Variants in PARP11 observed in about 807,000 individuals in gnomAD.
PARP11 encodes protein mono-ADP-ribosyltransferase PARP11.
Under a neutral mutation model 42.9 loss-of-function variants are expected in PARP11, and 31 were observed. That is an observed-to-expected ratio of 0.72 (90% CI 0.54 to 0.98). The LOEUF is 0.98. PARP11 is among the 50% of genes least tolerant of loss of function. PARP11 has a pLI of 0.00. For missense variants in PARP11, 365 were observed against 413.1 expected (o/e 0.88, Z 1.01); for synonymous variants, 137 against 127.3 (o/e 1.08, Z -0.51).
chr12:3,857,981 A>T (rs1208565664), intron 1 of PARP11, among the ~76,000 whole-genome samples: 1 of 152,228 alleles, frequency 6.6e-6, no homozygotes, highest in Non-Finnish European at 1.5e-5. Flanking sequence ...GTAGTTTAGC[A>T]TGGAGGATGC....
chr12:3,845,096 A>G (rs1947973381), intron 1 of PARP11, among the ~76,000 whole-genome samples: 1 of 152,198 alleles, frequency 6.6e-6, no homozygotes. Flanking sequence ...ACCAAAGCTC[A>G]CCTGTTTTTT....
chr12:3,859,808 T>C lies in PARP11; in HGVS notation c.18+13404A>G, dbSNP rs556409676. Among the ~76,000 whole-genome samples the C allele has an allele frequency of 3.3e-5, 5 of 152,242 alleles. 1 individual carries two copies. The highest frequency in any genetic ancestry group is 1.2e-4 in the African/African-American group (5 of 41,540). ...AAAAAAGCTGGAGTGGCTATACTAA[T>C]GCCAGGCAAAATAGACTTCAAACCA... is the stretch of plus-strand genomic sequence containing the variant. On this transcript the variant is annotated intron_variant, in intron 1 of 7. Transcript: ENST00000228820.
chr12:3,839,314 G>A (rs1182415423), intron 1 of PARP11: 59 of 1,523,480 alleles, frequency 3.9e-5, no homozygotes, highest in Non-Finnish European at 4.6e-5. Context: ...GGAGGCGGCC[G>A]TCGGCGTCCC....
intron 1 of PARP11, among the ~76,000 whole-genome samples, chr12:3,862,192 C>G (rs1244342215): frequency 2.0e-5 from 3 of 152,184 alleles, no homozygotes; most frequent in African/African-American, 7.2e-5. Context: ...CTTTGGGAGG[C>G]TGCACCCAGA....
At chr12:3,843,189 T>A (rs1947929580) in intron 1 of PARP11, among the ~76,000 whole-genome samples, 1 of 152,214 alleles carries the variant, frequency 6.6e-6, no homozygotes. Context: ...TTTTTGAATT[T>A]TGGTATTTGT....
At chr12:3,865,814 A>G (rs1486582498) in intron 1 of PARP11, among the ~76,000 whole-genome samples, 1 of 150,142 alleles carries the variant, frequency 6.7e-6, no homozygotes, top group Non-Finnish European at 1.5e-5. Context: ...CTGTATTTTA[A>G]TTGGGGTGTT....
intron 1 of PARP11, among the ~76,000 whole-genome samples, chr12:3,869,837 T>A (rs536331647): frequency 6.6e-6 from 1 of 152,394 alleles, no homozygotes; most frequent in African/African-American, 2.4e-5. Flanking sequence ...TGGAGCCTAG[T>A]CTGTTCTGTT....
chr12:3,840,702 C>T lies in PARP11; in HGVS notation c.19-10684G>A. Reference sequence around the variant, plus strand: ...AAAGGAAGCAGGCGGAGAATGGATACAGAAGAACGAAAAGACAAAGACTCT... The same window carrying T: ...AAAGGAAGCAGGCGGAGAATGGATATAGAAGAACGAAAAGACAAAGACTCT... On this transcript the variant is annotated intron_variant, in intron 1 of 7. Coordinates refer to ENST00000228820, the MANE Select transcript of PARP11 (RefSeq NM_020367.6). The surrounding 1 kb of genome is among the most constrained non-coding windows in gnomAD (Gnocchi z 4.4). The T allele has an allele frequency of 8.0e-7, 1 of 1,257,752 alleles. No individual in the cohort carries two copies. The highest frequency in any genetic ancestry group is 1.2e-6 in the Non-Finnish European group (1 of 854,828). The allele number at this position is 1,257,752 out of a possible 1,614,324, so 77.9% of individuals were successfully genotyped here.
intron 1 of PARP11, among the ~76,000 whole-genome samples, chr12:3,854,956 T>G (rs1180006448): frequency 6.6e-6 from 1 of 152,238 alleles, no homozygotes; most frequent in Non-Finnish European, 1.5e-5. Context: ...GCTTCATCCC[T>G]GGGATGCAAG....
rs575097590 is a variant in PARP11 at position 3,861,810 on chromosome 12, G to A, written c.18+11402C>T. Among the ~76,000 whole-genome samples the A allele has an allele frequency of 2.0e-5, 3 of 151,706 alleles. No individual in the cohort carries two copies. The highest frequency in any genetic ancestry group is 2.0e-4 in the Admixed American group (3 of 15,236). The stretch of plus-strand genomic sequence containing the variant: ...GAGGCCGAGGCGGGCGGATCACGAG[G>A]TCAGGAGATTGAGACCATCCTGGCT... On this transcript the variant is annotated intron_variant, in intron 1 of 7. Transcript: ENST00000228820. The surrounding 1 kb of genome is among the most constrained non-coding windows in gnomAD (Gnocchi z 4.6).
chr12:3,851,905 G>A (rs557823895), intron 1 of PARP11, among the ~76,000 whole-genome samples: 2 of 152,322 alleles, frequency 1.3e-5, no homozygotes, highest in African/African-American at 4.8e-5. Context: ...CTGAGACGAA[G>A]CTTCCTGAGG....
chr12:3,868,675 C>G (rs1228893988), intron 1 of PARP11, among the ~76,000 whole-genome samples: 1 of 152,168 alleles, frequency 6.6e-6, no homozygotes, highest in African/African-American at 2.4e-5. Context: ...ATCTAAGATG[C>G]AGCTTGAATT....
Position 3,846,779 on chromosome 12 carries a change from A to G in PARP11, c.19-16761T>C, listed in dbSNP as rs4766175. Among the ~76,000 whole-genome samples, 5 of 148,880 alleles carry G rather than the reference A, an allele frequency of 3.4e-5. No homozygotes were observed. The South Asian group carries it at 1.1e-3, about 32-fold the overall frequency. On this transcript the variant is annotated intron_variant, in intron 1 of 7. Transcript: ENST00000228820. ...CTTAAAAAAAAAAAAAAAGAAAAGAAAAAAGAAATAGAAAACTTGAATAGG... is the reference window on the plus strand; with the variant it reads ...CTTAAAAAAAAAAAAAAAGAAAAGAGAAAAGAAATAGAAAACTTGAATAGG...
At chr12:3,855,562 T>C (rs1021555808) in intron 1 of PARP11, among the ~76,000 whole-genome samples, 2 of 152,094 alleles carry the variant, frequency 1.3e-5, no homozygotes, top group Admixed American at 1.3e-4. Flanking sequence ...GGAATCCAAC[T>C]TACAAGGGAT....
At position 3,810,658 on chromosome 12, in the gene PARP11, GGAAGGAAGGAAGGAAGGAAGGAAGGAA is replaced by G. The variant is rs1947152682; in HGVS notation, c.*1438_*1464del. On this transcript the variant is annotated 3_prime_UTR_variant, in exon 8 of 8. Transcript: ENST00000228820. ...GGGAGGGAGGGAAAGAAGGAAGGAA[GGAAGGAAGGAAGGAAGGAAGGAAGGAA>G]AGAAAGAAGGAAGGAAGAGAGAGAG... is the stretch of plus-strand genomic sequence containing the variant. 9.8e-6 allele frequency: 1 copy of G among 101,648 alleles called. No homozygotes were observed. The highest frequency in any genetic ancestry group is 2.0e-5 in the Non-Finnish European group (1 of 51,152). 6.3% of individuals were successfully genotyped at this position (101,648 alleles called of 1,614,324 possible).
chr12:3,843,351 A>T (rs1947932508), intron 1 of PARP11, among the ~76,000 whole-genome samples: 1 of 152,208 alleles, frequency 6.6e-6, no homozygotes, highest in Admixed American at 6.5e-5. Flanking sequence ...GAACTGCAGA[A>T]GTTTTCTAAA....
At chr12:3,816,556 A>G (rs1947290183) in intron 6 of PARP11, among the ~76,000 whole-genome samples, 1 of 152,242 alleles carries the variant, frequency 6.6e-6, no homozygotes, top group Non-Finnish European at 1.5e-5. Flanking sequence ...GGGCCTATCC[A>G]TCTACCACTA....
At chr12:3,815,336 A>C (rs1947264075) in intron 6 of PARP11, among the ~76,000 whole-genome samples, 1 of 152,188 alleles carries the variant, frequency 6.6e-6, no homozygotes, top group South Asian at 2.1e-4. Context: ...CATCCATCTC[A>C]ATGCCAAACC....
chr12:3,871,642 G>A (rs548374737), intron 1 of PARP11: 3 of 152,272 alleles, frequency 2.0e-5, no homozygotes, highest in Admixed American at 2.0e-4. Context: ...GCTGAAATGT[G>A]ATTCTACCAT....
Sources: gnomAD v4.1 joint callset for allele counts (sites outside exome capture counted in the v4.1 genomes callset) on GRCh38, gnomAD v4.1.1 for gene constraint, Gnocchi (gnomAD v3.1) non-coding constraint, MANE v1.5 for transcripts, NCBI Gene and HGNC (gene_info 2026-07-23, HGNC 2026-07-21) for gene names.